The following SCRG1 variants were observed in gnomAD, a reference collection of about 807,000 sequenced individuals.
SCRG1 encodes scrapie-responsive protein 1.
Under a neutral mutation model 7.7 loss-of-function variants are expected in SCRG1, and 3 were observed. That is an observed-to-expected ratio of 0.39 (90% CI 0.18 to 1.01). The LOEUF is 1.01. SCRG1 is among the 50% of genes least tolerant of loss of function. The probability of loss-of-function intolerance (pLI) is 0.36; values close to 1 mark genes in which losing one functional copy is unlikely to be tolerated. For missense variants in SCRG1, 110 were observed against 117.2 expected, an observed-to-expected ratio of 0.94 and a Z score of 0.28; for synonymous variants, 46 against 41.2, an observed-to-expected ratio of 1.12 and a Z score of -0.44.
the SCRG1 span, among the ~76,000 whole-genome samples, chr4:173,504,526 T>C: frequency 1.3e-5 from 2 of 152,384 alleles, no homozygotes; most frequent in South Asian, 2.1e-4. This position sits in a 1 kb window ranked among gnomAD's most constrained non-coding sequence, Gnocchi z 4.7. Flanking sequence ...TATTGGACTC[T>C]AGAAACCACG....
the SCRG1 span, among the ~76,000 whole-genome samples, chr4:173,453,173 G>A: frequency 6.6e-6 from 1 of 152,332 alleles, no homozygotes; most frequent in South Asian, 2.1e-4. Flanking sequence ...TGGCACTTAA[G>A]GAACCCATGT....
intron 1 of SCRG1, among the ~76,000 whole-genome samples, chr4:173,395,479 G>T (rs1446605780): frequency 1.3e-5 from 2 of 152,150 alleles, no homozygotes; most frequent in Non-Finnish European, 2.9e-5. Flanking sequence ...CAGCTAGCCG[G>T]GCAGTCAAGC....
the SCRG1 span, among the ~76,000 whole-genome samples, chr4:173,482,485 G>A: frequency 6.6e-6 from 1 of 152,012 alleles, no homozygotes; most frequent in African/African-American, 2.4e-5. Context: ...ATTGATCTGG[G>A]CTGGCCTTGT....
the SCRG1 span, among the ~76,000 whole-genome samples, chr4:173,461,152 C>G: frequency 6.6e-6 from 1 of 152,228 alleles, no homozygotes; most frequent in African/African-American, 2.4e-5. Flanking sequence ...ATCTTGCTGC[C>G]CTGAAGGGAA....
At chr4:173,491,215 C>CT in the SCRG1 span, among the ~76,000 whole-genome samples, 2,830 of 132,902 alleles carry the variant, frequency 0.021, 89 homozygotes, top group East Asian at 0.12. Context: ...CTCTCTCTCT[C>CT]TCTTTTTTTT....
the SCRG1 span, among the ~76,000 whole-genome samples, chr4:173,472,201 A>G: frequency 6.6e-6 from 1 of 152,242 alleles, no homozygotes; most frequent in Non-Finnish European, 1.5e-5. Flanking sequence ...ATGGCCATGG[A>G]GTAAACTAAT....
At chr4:173,392,628 G>A (rs1739480947) in intron 1 of SCRG1, among the ~76,000 whole-genome samples, 1 of 152,170 alleles carries the variant, frequency 6.6e-6, no homozygotes, top group South Asian at 2.1e-4. Context: ...CATTAGATGT[G>A]AAGAAAATGG....
chr4:173,412,937 T>G, the SCRG1 span, among the ~76,000 whole-genome samples: 1 of 152,138 alleles, frequency 6.6e-6, no homozygotes, highest in Non-Finnish European at 1.5e-5. Flanking sequence ...AAGGAAATAC[T>G]CAATTTCCCC....
chr4:173,477,707 CTT>C, the SCRG1 span, among the ~76,000 whole-genome samples: 4 of 1,854 alleles, frequency 2.2e-3, no homozygotes, highest in Admixed American at 4.1e-3. Flanking sequence ...TTTTTTTTCC[CTT>C]CCTTCCTTCC....
chr4:173,401,025 A>G (rs1739747524), upstream of SCRG1, among the ~76,000 whole-genome samples: 1 of 152,198 alleles, frequency 6.6e-6, no homozygotes, highest in Non-Finnish European at 1.5e-5. Flanking sequence ...ATGGAGGTGA[A>G]TGGAAGGCTG....
At chr4:173,435,439 C>T in the SCRG1 span, among the ~76,000 whole-genome samples, 1 of 152,282 alleles carries the variant, frequency 6.6e-6, no homozygotes, top group African/African-American at 2.4e-5. Flanking sequence ...CACCGGGGCT[C>T]CGAGGGGTGC....
chr4:173,444,165 G>C, the SCRG1 span, among the ~76,000 whole-genome samples: 1 of 152,064 alleles, frequency 6.6e-6, no homozygotes, highest in Non-Finnish European at 1.5e-5. Flanking sequence ...GTAGAGATGA[G>C]ATTTCACCAT....
the SCRG1 span, among the ~76,000 whole-genome samples, chr4:173,515,202 T>C: frequency 6.6e-6 from 1 of 152,162 alleles, no homozygotes; most frequent in Non-Finnish European, 1.5e-5. This position sits in a 1 kb window ranked among gnomAD's most constrained non-coding sequence, Gnocchi z 4.6. Flanking sequence ...GAACATACGG[T>C]GCCAGGATTT....
the SCRG1 span, among the ~76,000 whole-genome samples, chr4:173,435,420 C>T: frequency 1.3e-5 from 2 of 152,152 alleles, no homozygotes; most frequent in Admixed American, 1.3e-4. Context: ...TCGGACATCC[C>T]TGTCTGGTCA....
chr4:173,488,699 C>A, the SCRG1 span, among the ~76,000 whole-genome samples: 59 of 152,262 alleles, frequency 3.9e-4, 1 homozygote, highest in East Asian at 9.3e-3. Flanking sequence ...GTCAATAATT[C>A]AGTTTTGCAA....
chr4:173,429,429 A>T, the SCRG1 span, among the ~76,000 whole-genome samples: 1,718 of 152,154 alleles, frequency 0.011, 34 homozygotes, highest in African/African-American at 0.039. Context: ...AGTAGTTGGG[A>T]TGATAGGTCC....
the SCRG1 span, among the ~76,000 whole-genome samples, chr4:173,517,645 A>T: frequency 1.3e-5 from 2 of 152,210 alleles, no homozygotes; most frequent in African/African-American, 4.8e-5. Flanking sequence ...ATAGGGCCTA[A>T]CGGTCCCATC....
At chr4:173,431,584 C>G in the SCRG1 span, among the ~76,000 whole-genome samples, 1 of 152,198 alleles carries the variant, frequency 6.6e-6, no homozygotes, top group Non-Finnish European at 1.5e-5. Context: ...GAAGCCAGAT[C>G]CAATAAAAGA....
the SCRG1 span, among the ~76,000 whole-genome samples, chr4:173,412,211 A>G: frequency 6.6e-6 from 1 of 152,140 alleles, no homozygotes; most frequent in Non-Finnish European, 1.5e-5. Flanking sequence ...AACTTAAGCT[A>G]CTTACCAACC....
Sources: gnomAD v4.1 joint callset for allele counts (sites outside exome capture counted in the v4.1 genomes callset) on GRCh38, gnomAD v4.1.1 for gene constraint, Gnocchi (gnomAD v3.1) non-coding constraint, MANE v1.5 for transcripts, NCBI Gene and HGNC (gene_info 2026-07-23, HGNC 2026-07-21) for gene names.